CDH20: variants seen among roughly 807,000 people sequenced by gnomAD.
CDH20 encodes the protein cadherin 20, also known as cadherin-20.
In CDH20, 29 loss-of-function variants were observed where a neutral mutation model predicts 74.2. The observed-to-expected ratio is 0.39, with a 90% CI of 0.29 to 0.53. The LOEUF (loss-of-function observed/expected upper bound fraction) is 0.53. CDH20 is among the 20% of genes least tolerant of loss of function. The pLI is 0.69. For missense variants in CDH20, 988 were observed against 1,048.3 expected, an observed-to-expected ratio of 0.94 and a Z score of 0.79; for synonymous variants, 469 against 405.4, an observed-to-expected ratio of 1.16 and a Z score of -1.88.
chr18:61,404,138 T>C (rs973868125), intron 1 of CDH20, among the ~76,000 whole-genome samples: 1 of 152,160 alleles, frequency 6.6e-6, no homozygotes, highest in African/African-American at 2.4e-5. Context: ...ATACCTATGA[T>C]GGATTGATAG....
intron 1 of CDH20, among the ~76,000 whole-genome samples, chr18:61,398,663 T>C (rs1388909754): frequency 6.6e-6 from 1 of 152,190 alleles, no homozygotes; most frequent in Non-Finnish European, 1.5e-5. Flanking sequence ...ACAGGCCTTC[T>C]TGTGTTATCA....
intron 1 of CDH20, among the ~76,000 whole-genome samples, chr18:61,425,221 G>A (rs1467532773): frequency 6.6e-6 from 1 of 152,196 alleles, no homozygotes; most frequent in Non-Finnish European, 1.5e-5. Context: ...TCAGACCATA[G>A]GGTCTGTATT....
Position 61,550,166 on chromosome 18 carries a change from C to T in CDH20, c.1837C>T (p.Leu613Phe), listed in dbSNP as rs201138959. 7.4e-6 allele frequency: 12 copies of T among 1,614,188 alleles called. No individual in the cohort carries two copies. The East Asian group carries it at 2.7e-4, about 36-fold the overall frequency. The change falls in exon 11 of 12, where the codon CTC (leucine) becomes TTC (phenylalanine). Residue 613 changes from leucine to phenylalanine, a missense_variant. Physicochemically the swap from Leu to Phe is conservative, Grantham distance 22 (BLOSUM62 0). Around this residue, in one of 2 missense-constraint regions of CDH20, gnomAD observed 375 missense variants for 293.1 expected, o/e 1.28. Transcript: ENST00000262717. ...GTCCTGCAGCCCAGAGGCCTACATG[C>T]TCCCAGTCAGTTTGAGCCGGGGCGC... ...VMSCSPEAYM[L>F]PVSLSRGALI... is the part of the protein sequence containing the mutation.
In CDH20 at chr18:61,550,059, C is replaced by G. The variant is rs1158643363; in HGVS notation, c.1730C>G (p.Ala577Gly). The G allele has an allele frequency of 1.2e-6, 2 of 1,614,088 alleles. No individual in the cohort carries two copies. Among genetic ancestry groups the G allele is most frequent in the Non-Finnish European group, 1.7e-6 (2 of 1,180,028 alleles). The change falls in exon 11 of 12, where the codon GCA becomes GGA. Residue 577 changes from alanine (A) to glycine (G), a missense_variant. By Grantham distance (60) the Ala-to-Gly change is moderately conservative. Around this residue, in one of 2 missense-constraint regions of CDH20, gnomAD observed 613 missense variants for 755.2 expected, o/e 0.81. Transcript: ENST00000262717. ...GTCTTTCACCTGCCTATCCTGATAG[C>G]AGATAGCGGGCAGCCCGTGCTGAGC... is the stretch of plus-strand genomic sequence containing the variant. ...QSVFHLPILI[A>G]DSGQPVLSST... is the part of the protein sequence containing the mutation.
At chr18:61,403,338 C>T (rs915002299) in intron 1 of CDH20, among the ~76,000 whole-genome samples, 5 of 152,174 alleles carry the variant, frequency 3.3e-5, no homozygotes, top group African/African-American at 9.7e-5. Flanking sequence ...TTTGGTTTTA[C>T]CACTTAGACA....
intron 1 of CDH20, among the ~76,000 whole-genome samples, chr18:61,347,319 T>TATATAC (rs869054502): frequency 7.8e-4 from 60 of 77,398 alleles, no homozygotes; most frequent in East Asian, 1.4e-3. Flanking sequence ...TATATATATA[T>TATATAC]ACACACACAC....
chr18:61,430,751 T>C (rs761343630), intron 1 of CDH20, among the ~76,000 whole-genome samples: 5 of 152,354 alleles, frequency 3.3e-5, no homozygotes, highest in Non-Finnish European at 5.9e-5. Context: ...TTGGGAGCTC[T>C]TCCAGATTGG....
At chr18:61,542,195 G>A (rs975567756) in intron 9 of CDH20, among the ~76,000 whole-genome samples, 9 of 152,094 alleles carry the variant, frequency 5.9e-5, no homozygotes, top group Non-Finnish European at 1.0e-4. Context: ...GAAAAGTGCC[G>A]GCTCTGTCTC....
chr18:61,490,307 A>G (rs1192801915), intron 1 of CDH20, 95 bp from the exon 2 acceptor site: 1 of 446,576 alleles, frequency 2.2e-6, no homozygotes, highest in Non-Finnish European at 4.1e-6. Flanking sequence ...CATTGAGTAG[A>G]AAGTTGAATA....
chr18:61,452,277 T>TA (rs1295365494), intron 1 of CDH20, among the ~76,000 whole-genome samples: 2 of 152,208 alleles, frequency 1.3e-5, no homozygotes, highest in African/African-American at 2.4e-5. Flanking sequence ...TTTATGTTTT[T>TA]AAAAATTATT....
intron 1 of CDH20, among the ~76,000 whole-genome samples, chr18:61,369,348 T>C (rs892564385): frequency 3.9e-5 from 6 of 152,056 alleles, no homozygotes; most frequent in Non-Finnish European, 8.8e-5. Flanking sequence ...CCAGGATAGG[T>C]TTTTAATCCC....
At chr18:61,430,878 C>T (rs1913230954) in intron 1 of CDH20, among the ~76,000 whole-genome samples, 2 of 152,068 alleles carry the variant, frequency 1.3e-5, no homozygotes, top group Non-Finnish European at 2.9e-5. Context: ...TAGAATCAGC[C>T]ATTTCTTCAA....
chr18:61,337,467 T>C (rs1940243105), intron 1 of CDH20, among the ~76,000 whole-genome samples: 1 of 152,216 alleles, frequency 6.6e-6, no homozygotes, highest in South Asian at 2.1e-4. Flanking sequence ...TTCTCGGACA[T>C]ATAAGACTTA....
intron 1 of CDH20, among the ~76,000 whole-genome samples, chr18:61,396,403 T>A (rs908648153): frequency 2.6e-5 from 4 of 151,440 alleles, no homozygotes; most frequent in African/African-American, 9.8e-5. Context: ...CACCTGTTCA[T>A]CCTTTTTTTT....
chr18:61,422,030 T>C (rs1364785240), intron 1 of CDH20, among the ~76,000 whole-genome samples: 2 of 152,110 alleles, frequency 1.3e-5, no homozygotes, highest in African/African-American at 2.4e-5. Flanking sequence ...GTACTTACTA[T>C]CTAAAATAAC....
chr18:61,499,550 ACATG>A, intron 3 of CDH20, 70 bp downstream of exon 3: 20 of 1,136,168 alleles, frequency 1.8e-5, no homozygotes, highest in Non-Finnish European at 2.3e-5. Flanking sequence ...ACACATATGC[ACATG>A]CACACACACA....
Position 61,503,092 on chromosome 18 carries a change from C to T in CDH20, c.801C>T (p.Val267=), listed in dbSNP as rs1911441761. 6.2e-7 allele frequency: 1 copy of T among 1,612,126 alleles called. No homozygotes were observed. Among genetic ancestry groups the T allele is most frequent in the East Asian group, 2.2e-5 (1 of 44,846 alleles). Residue 267 remains valine, a synonymous_variant, in exon 5 of 12, where the codon GTC becomes GTT. Coordinates refer to ENST00000262717, the MANE Select transcript of CDH20 (RefSeq NM_031891.4). ...TTTVNITLSD[V]NDNPPRFPQK... is the part of the protein sequence containing the mutation. Reference sequence around the variant, plus strand: ...CAGTCAACATCACCCTCTCAGATGTCAATGATAACCCACCCCGCTTTCCCC... The same window carrying T: ...CAGTCAACATCACCCTCTCAGATGTTAATGATAACCCACCCCGCTTTCCCC...
chr18:61,554,057 T>A, intron 11 of CDH20, 133 bp from the exon 12 acceptor site: 1 of 1,052,294 alleles, frequency 9.5e-7, no homozygotes, highest in Non-Finnish European at 1.4e-6. Context: ...AGGTTTCAGA[T>A]ATCCAAAAGC....
Position 61,432,161 on chromosome 18 carries a change from T to A in CDH20, c.-152-58241T>A, listed in dbSNP as rs1396815261. Among the ~76,000 whole-genome samples, 4 of 146,730 alleles carry A rather than the reference T, an allele frequency of 2.7e-5. 1 individual carries two copies. The Admixed American group carries it at 2.8e-4, about 10-fold the overall frequency. ...TACTCGAGAGACTGAGGCAGGAGAA[T>A]CACTTCTGGGAAACGGAGGTTGCAG... On this transcript the variant is annotated intron_variant, in intron 1 of 11. Transcript: ENST00000262717.
Sources: gnomAD v4.1 joint callset for allele counts (sites outside exome capture counted in the v4.1 genomes callset) on GRCh38, gnomAD v4.1.1 for gene constraint, gnomAD v4.1.1 regional missense constraint, MANE v1.5 for transcripts, NCBI Gene and HGNC (gene_info 2026-07-23, HGNC 2026-07-21) for gene names.